IGFL2: variants seen among roughly 807,000 people sequenced by gnomAD.
The protein encoded by IGFL2 is IGF like family member 2, also known as insulin growth factor-like family member 2.
A neutral mutation model predicts 13.9 loss-of-function variants in IGFL2; 7 were observed. The observed-to-expected ratio is 0.51, with a 90% CI of 0.29 to 0.95. IGFL2 has a LOEUF of 0.95. Among genes scored for constraint, IGFL2 ranks in the 40% least tolerant of loss-of-function variants. The probability of loss-of-function intolerance (pLI) is 0.08; values close to 1 mark genes in which losing one functional copy is unlikely to be tolerated. For synonymous variants in IGFL2, 55 were observed against 55.8 expected, an observed-to-expected ratio of 0.99 and a Z score of 0.07; for missense variants, 138 against 147.8, an observed-to-expected ratio of 0.93 and a Z score of 0.34.
At chr19:46,175,894 G>A in the IGFL2 span, among the ~76,000 whole-genome samples, 1 of 146,070 alleles carries the variant, frequency 6.8e-6, no homozygotes, top group Non-Finnish European at 1.5e-5. Flanking sequence ...CCAGGCTGGA[G>A]TTCAGTGGCA....
the IGFL2 span, among the ~76,000 whole-genome samples, chr19:46,122,938 GTTATGATGAACA>G: frequency 6.6e-6 from 1 of 150,638 alleles, no homozygotes; most frequent in Non-Finnish European, 1.5e-5. Flanking sequence ...GACTGCTAGG[GTTATGATGAACA>G]TTATTACTTC....
At chr19:46,207,066 T>TGA in the IGFL2 span, 2 of 152,200 alleles carry the variant, frequency 1.3e-5, no homozygotes, top group African/African-American at 4.8e-5. Flanking sequence ...GTCTGTAGCT[T>TGA]GAGTACACTG....
the IGFL2 span, among the ~76,000 whole-genome samples, chr19:46,093,639 A>G: frequency 6.6e-6 from 1 of 152,186 alleles, no homozygotes; most frequent in African/African-American, 2.4e-5. Context: ...GAAAATCCCA[A>G]GGAGTCTATA....
the IGFL2 span, among the ~76,000 whole-genome samples, chr19:46,117,805 T>C: frequency 5.5e-3 from 835 of 152,282 alleles, 29 homozygotes; most frequent in Admixed American, 0.051. Flanking sequence ...TTAAAATGAA[T>C]CTTGCTTGGG....
chr19:46,098,126 G>T, the IGFL2 span, among the ~76,000 whole-genome samples: 1 of 152,182 alleles, frequency 6.6e-6, no homozygotes, highest in Admixed American at 6.5e-5. Context: ...CTATTATTGT[G>T]TGGGAGTCTA....
chr19:46,198,556 G>A, the IGFL2 span: 2 of 152,106 alleles, frequency 1.3e-5, no homozygotes, highest in African/African-American at 4.8e-5. Context: ...TCTGGGTGCT[G>A]GCTCCAATTT....
At chr19:46,210,716 C>T in the IGFL2 span, among the ~76,000 whole-genome samples, 2 of 152,172 alleles carry the variant, frequency 1.3e-5, no homozygotes, top group South Asian at 4.1e-4. Flanking sequence ...CAGTGTCCAC[C>T]CACGTTAAGG....
chr19:46,160,101 A>C, intron 1 of IGFL2: 1 of 385,472 alleles, frequency 2.6e-6, no homozygotes, highest in Non-Finnish European at 4.8e-6. Flanking sequence ...CCTTAATCTT[A>C]ACCATGGTTA....
At chr19:46,137,221 A>G in the IGFL2 span, 2 of 1,525,664 alleles carry the variant, frequency 1.3e-6, no homozygotes. Flanking sequence ...TCTTGGGCCC[A>G]CGGCAGGTAA....
upstream of IGFL2, among the ~76,000 whole-genome samples, chr19:46,144,532 C>T (rs180880384): frequency 1.3e-5 from 2 of 152,186 alleles, no homozygotes; most frequent in African/African-American, 4.8e-5. Context: ...TCTGTGTCTT[C>T]TAAACAAAAT....
chr19:46,170,543 CTTAAAGT>C, the IGFL2 span, among the ~76,000 whole-genome samples: 6 of 152,148 alleles, frequency 3.9e-5, no homozygotes, highest in Non-Finnish European at 7.4e-5. Context: ...GGGAGATAAC[CTTAAAGT>C]CTGGCTGCCT....
chr19:46,194,431 G>A, the IGFL2 span, among the ~76,000 whole-genome samples: 32 of 152,068 alleles, frequency 2.1e-4, no homozygotes, highest in Non-Finnish European at 4.1e-4. Flanking sequence ...TTCTGACTTT[G>A]TTTATTTTAA....
upstream of IGFL2, chr19:46,148,236 C>A (rs1037762413): frequency 3.2e-6 from 5 of 1,543,834 alleles, no homozygotes; most frequent in Non-Finnish European, 4.4e-6. Flanking sequence ...AAGTCACTGA[C>A]CCATTTGCAC....
chr19:46,172,192 G>A, the IGFL2 span, among the ~76,000 whole-genome samples: 2 of 152,168 alleles, frequency 1.3e-5, no homozygotes, highest in Non-Finnish European at 2.9e-5. Context: ...ATCGTGTAAA[G>A]CCTGATAGTA....
At chr19:46,102,013 A>T in the IGFL2 span, among the ~76,000 whole-genome samples, 3 of 152,232 alleles carry the variant, frequency 2.0e-5, no homozygotes, top group Admixed American at 2.0e-4. Flanking sequence ...CCAGGTGAGG[A>T]CCTGATAACA....
the IGFL2 span, chr19:46,137,044 C>G: frequency 6.3e-7 from 1 of 1,590,548 alleles, no homozygotes; most frequent in South Asian, 1.1e-5. Context: ...CATGGCAGAT[C>G]ACTGATGGAC....
chr19:46,189,541 A>C, the IGFL2 span: 1 of 152,348 alleles, frequency 6.6e-6, no homozygotes, highest in Non-Finnish European at 1.5e-5. Context: ...TTTCCTGGGC[A>C]CTGACGCTAC....
At chr19:46,090,809 C>A in the IGFL2 span, among the ~76,000 whole-genome samples, 2,051 of 152,308 alleles carry the variant, frequency 0.013, 32 homozygotes, top group Middle Eastern at 0.027. Context: ...ATCTGGTTCC[C>A]GGGCAGCTCT....
At chr19:46,189,286 T>G in the IGFL2 span, 1 of 152,436 alleles carries the variant, frequency 6.6e-6, no homozygotes, top group East Asian at 1.9e-4. Flanking sequence ...TCAGAGACTT[T>G]TAGTACTTTC....
Sources: gnomAD v4.1 joint callset for allele counts (sites outside exome capture counted in the v4.1 genomes callset) on GRCh38, gnomAD v4.1.1 for gene constraint, MANE v1.5 for transcripts, NCBI Gene and HGNC (gene_info 2026-07-23, HGNC 2026-07-21) for gene names.